STIM1: variants seen among roughly 807,000 people sequenced by gnomAD.
STIM1 encodes the protein stromal interaction molecule 1.
Under a neutral mutation model 74.7 loss-of-function variants are expected in STIM1, and 25 were observed. The observed-to-expected ratio is 0.33, with a 90% confidence interval of 0.24 to 0.47. STIM1 has a LOEUF of 0.47. Ranked by LOEUF, STIM1 falls within the 20% of genes least tolerant of loss-of-function variation. The probability of loss-of-function intolerance (pLI) is 1.00; values close to 1 mark genes in which losing one functional copy is unlikely to be tolerated. For synonymous variants in STIM1, 328 were observed against 348.8 expected, an observed-to-expected ratio of 0.94 and a Z score of 0.66; for missense variants, 728 against 920.8, an observed-to-expected ratio of 0.79 and a Z score of 2.71.
rs549912751 is a variant in STIM1 at position 3,980,642 on chromosome 11, G to A, written c.270+12960G>A. Among the ~76,000 whole-genome samples the A allele has an allele frequency of 2.0e-5, 3 of 146,542 alleles. No homozygotes were observed. In the East Asian group the frequency reaches 6.0e-4, roughly 29 times the overall value. On this transcript the variant is annotated intron_variant, in intron 2 of 12. Coordinates refer to ENST00000526596, the MANE Select transcript of STIM1 (RefSeq NM_001382567.1). ...AAAAAAAAAAAACCCACACATTTCAGTGCAATGCCTGGAACAAAACAACAA... is the reference window on the plus strand; with the variant it reads ...AAAAAAAAAAAACCCACACATTTCAATGCAATGCCTGGAACAAAACAACAA...
chr11:4,021,020 G>C (rs980055462), intron 2 of STIM1, among the ~76,000 whole-genome samples: 1 of 152,100 alleles, frequency 6.6e-6, no homozygotes, highest in Non-Finnish European at 1.5e-5. Context: ...CCGCTTGTCA[G>C]ATGTATAATT....
rs142841034 is a variant in STIM1 at position 4,085,148 on chromosome 11, CT to C, written c.1567+384del. Among the ~76,000 whole-genome samples, 776 of 151,556 alleles carry C rather than the reference CT, an allele frequency of 5.1e-3. 7 individuals carry two copies. The highest frequency in any genetic ancestry group is 0.017 in the African/African-American group (712 of 41,086). ...CCCTTCTTTCTCCCCCTTCCCCCCC[CT>C]ATTCCAGACTTCCTCATCCTCTTCA... On this transcript the variant is annotated intron_variant, in intron 11 of 12. Transcript: ENST00000526596.
intron 1 of STIM1, among the ~76,000 whole-genome samples, chr11:3,960,958 G>A (rs996453577): frequency 6.6e-6 from 1 of 151,878 alleles, no homozygotes; most frequent in Non-Finnish European, 1.5e-5. Flanking sequence ...ATTAAAGAGA[G>A]CCTGGAGAGC....
intron 1 of STIM1, among the ~76,000 whole-genome samples, chr11:3,957,489 C>A (rs1440916207): frequency 6.6e-6 from 1 of 151,910 alleles, no homozygotes; most frequent in Non-Finnish European, 1.5e-5. Context: ...AAACTCCTGA[C>A]CTTGCGATCC....
chr11:3,988,996 C>T (rs774198351), intron 2 of STIM1, among the ~76,000 whole-genome samples: 2 of 152,166 alleles, frequency 1.3e-5, no homozygotes. Flanking sequence ...TTAAATAAAG[C>T]ATTTACACTT....
At chr11:4,036,376 A>T (rs1441658344) in intron 3 of STIM1, among the ~76,000 whole-genome samples, 1 of 152,186 alleles carries the variant, frequency 6.6e-6, no homozygotes, top group Admixed American at 6.5e-5. Context: ...ATACCCAGTA[A>T]TGAGATTGCT....
intron 1 of STIM1, among the ~76,000 whole-genome samples, chr11:3,864,527 A>G (rs1235439863): frequency 5.3e-5 from 8 of 152,226 alleles, no homozygotes; most frequent in African/African-American, 9.6e-5. Flanking sequence ...TATACTGGAC[A>G]TGATGATTGG....
intron 1 of STIM1, among the ~76,000 whole-genome samples, chr11:3,877,051 T>G (rs1256479935): frequency 6.6e-6 from 1 of 152,074 alleles, no homozygotes. Flanking sequence ...GGAGAGTTGT[T>G]TAAAAAAAAG....
At chr11:4,025,368 G>A (rs1220854554) in intron 3 of STIM1, among the ~76,000 whole-genome samples, 1 of 152,150 alleles carries the variant, frequency 6.6e-6, no homozygotes, top group African/African-American at 2.4e-5. Context: ...AGAAAAATTA[G>A]GCAGCTGTAG....
intron 1 of STIM1, among the ~76,000 whole-genome samples, chr11:3,880,316 A>T (rs145189505): frequency 3.0e-4 from 46 of 152,310 alleles, no homozygotes; most frequent in African/African-American, 1.1e-3. Flanking sequence ...CTTGCAGGTT[A>T]CTTCTCGTGT....
chr11:4,071,433 C>T (rs2094402922), intron 6 of STIM1, among the ~76,000 whole-genome samples: 1 of 152,000 alleles, frequency 6.6e-6, no homozygotes, highest in African/African-American at 2.4e-5. Context: ...TCACTGCAGC[C>T]TCCACCCCCT....
At chr11:4,012,631 C>T (rs960612973) in intron 2 of STIM1, among the ~76,000 whole-genome samples, 10 of 152,132 alleles carry the variant, frequency 6.6e-5, no homozygotes, top group African/African-American at 9.7e-5. Context: ...TGGGCGGAGA[C>T]GATGGGGTTT....
chr11:4,015,822 G>T (rs912539089), intron 2 of STIM1, among the ~76,000 whole-genome samples: 2 of 151,038 alleles, frequency 1.3e-5, no homozygotes, highest in African/African-American at 4.9e-5. Context: ...CTTTTTTTCC[G>T]CTTGATCAAA....
chr11:3,900,992 A>T (rs2092332511), intron 1 of STIM1, among the ~76,000 whole-genome samples: 1 of 152,210 alleles, frequency 6.6e-6, no homozygotes, highest in African/African-American at 2.4e-5. Context: ...GGAGTTCAAG[A>T]CTAGCCTGGC....
Position 3,941,485 on chromosome 11 carries a change from A to T in STIM1, c.140-26067A>T, listed in dbSNP as rs543726635. 3.6e-4 allele frequency among the ~76,000 whole-genome samples: 55 copies of T among 152,146 alleles called. 1 individual carries two copies. The South Asian group carries it at 0.011, about 30-fold the overall frequency. On this transcript the variant is annotated intron_variant, in intron 1 of 12. Transcript: ENST00000526596. ...AATTCTTGGTAGGGTTAAGCAGTAG[A>T]TGTGTAGGACTTGGGCAGCCTTGTC...
intron 1 of STIM1, among the ~76,000 whole-genome samples, chr11:3,875,996 G>A (rs2091296356): frequency 6.6e-6 from 1 of 152,196 alleles, no homozygotes; most frequent in East Asian, 1.9e-4. Context: ...TAGGAGAAGG[G>A]GCAAATAATG....
chr11:3,934,069 C>A (rs955202690), intron 1 of STIM1, among the ~76,000 whole-genome samples: 7 of 152,186 alleles, frequency 4.6e-5, no homozygotes, highest in Admixed American at 2.6e-4. Flanking sequence ...TCTGGAGCTA[C>A]TGACATTAGA....
chr11:3,940,129 A>G (rs2092987177), intron 1 of STIM1, among the ~76,000 whole-genome samples: 1 of 152,210 alleles, frequency 6.6e-6, no homozygotes, highest in African/African-American at 2.4e-5. Flanking sequence ...TGGTTAAAGC[A>G]CAGCTATTTA....
intron 2 of STIM1, among the ~76,000 whole-genome samples, chr11:3,990,614 T>A (rs2093601681): frequency 6.6e-6 from 1 of 152,338 alleles, no homozygotes; most frequent in African/African-American, 2.4e-5. Context: ...CAACACTTGT[T>A]ATTGTCTGAC....
Sources: allele counts gnomAD v4.1 joint callset (sites outside exome capture counted in the v4.1 genomes callset), GRCh38; gene constraint gnomAD v4.1.1; transcripts MANE v1.5; gene names NCBI Gene and HGNC (gene_info 2026-07-23, HGNC 2026-07-21).